The following PTDSS1 variants were observed in gnomAD, a reference collection of about 807,000 sequenced individuals.
The protein encoded by PTDSS1 is phosphatidylserine synthase 1.
In PTDSS1, 45 loss-of-function variants were observed where a neutral mutation model predicts 70.5. The ratio of observed to expected loss-of-function variants is 0.64; its 90% CI spans 0.50 to 0.82. The LOEUF (loss-of-function observed/expected upper bound fraction) is 0.82. Ranked by LOEUF, PTDSS1 falls within the 40% of genes least tolerant of loss-of-function variation. The pLI, the probability that PTDSS1 is intolerant of heterozygous loss-of-function variation, is 0.00. For missense variants in PTDSS1, 417 were observed against 586.1 expected, an observed-to-expected ratio of 0.71 and a Z score of 2.98; for synonymous variants, 188 against 203.8, an observed-to-expected ratio of 0.92 and a Z score of 0.66.
intron 10 of PTDSS1, among the ~76,000 whole-genome samples, chr8:96,328,817 C>T (rs533137949): frequency 6.6e-6 from 1 of 152,382 alleles, no homozygotes; most frequent in South Asian, 2.1e-4. Flanking sequence ...TACCACCAGA[C>T]TGTGGCTGTG....
At chr8:96,333,005 T>G (rs2130193489) in intron 12 of PTDSS1, among the ~76,000 whole-genome samples, 1 of 152,336 alleles carries the variant, frequency 6.6e-6, no homozygotes, top group Non-Finnish European at 1.5e-5. Flanking sequence ...ATAGCTCTGA[T>G]TTTATAGTGT....
chr8:96,309,840 C>A lies in PTDSS1; in HGVS notation c.1073+218C>A, dbSNP rs375718494. Among the ~76,000 whole-genome samples the A allele has an allele frequency of 3.3e-5, 5 of 152,016 alleles. No homozygotes were observed. In the East Asian group the frequency reaches 9.7e-4, roughly 30 times the overall value. Reference sequence around the variant, plus strand: ...ATTTAAGTTAAGAATAGTTACTTGGCAAATTATAAAACAAGAGTATAGAAA... The same window carrying A: ...ATTTAAGTTAAGAATAGTTACTTGGAAAATTATAAAACAAGAGTATAGAAA... On this transcript the variant is annotated intron_variant, in intron 9 of 12. Transcript: ENST00000517309.
intron 9 of PTDSS1, among the ~76,000 whole-genome samples, chr8:96,311,090 A>G (rs1811205852): frequency 1.3e-5 from 2 of 152,210 alleles, no homozygotes; most frequent in South Asian, 4.1e-4. Context: ...TTAATTTATT[A>G]TTTAACTGAT....
At chr8:96,323,316 A>G (rs1811397481) in intron 10 of PTDSS1, among the ~76,000 whole-genome samples, 2 of 152,160 alleles carry the variant, frequency 1.3e-5, no homozygotes, top group Non-Finnish European at 1.5e-5. Flanking sequence ...TCTCCTTGGC[A>G]TTGCCCTAGT....
At chr8:96,320,132 A>T in intron 9 of PTDSS1, 114 bp from the exon 10 acceptor site, 1 of 864,712 alleles carries the variant, frequency 1.2e-6, no homozygotes, top group Non-Finnish European at 1.9e-6. Flanking sequence ...CCAGTGTTTG[A>T]GGCAGAAATC....
intron 8 of PTDSS1, among the ~76,000 whole-genome samples, chr8:96,308,895 T>C (rs912978024): frequency 1.3e-5 from 2 of 152,236 alleles, no homozygotes; most frequent in Non-Finnish European, 2.9e-5. Context: ...CTGTTTTTTT[T>C]CTGAACTTGT....
intron 1 of PTDSS1, among the ~76,000 whole-genome samples, chr8:96,265,369 T>C (rs954097782): frequency 2.0e-5 from 3 of 152,238 alleles, no homozygotes; most frequent in African/African-American, 7.2e-5. Context: ...GAGGATTAGA[T>C]ACCTTGCACT....
At chr8:96,289,022 C>T (rs1430759652) in intron 4 of PTDSS1, among the ~76,000 whole-genome samples, 1 of 151,932 alleles carries the variant, frequency 6.6e-6, no homozygotes, top group Non-Finnish European at 1.5e-5. Context: ...GTAACCTCCA[C>T]CTCCCTGGTT....
At position 96,333,746 on chromosome 8, in the gene PTDSS1, C is replaced by A; in HGVS notation, c.*180C>A. ...TTCCCACAGACCTGGCCGCGTCAGGCAGATCATCGCCTGGGGGGCCTTTGC... is the reference window on the plus strand; with the variant it reads ...TTCCCACAGACCTGGCCGCGTCAGGAAGATCATCGCCTGGGGGGCCTTTGC... On this transcript the variant is annotated 3_prime_UTR_variant, in exon 13 of 13. Transcript: ENST00000517309. The A allele has an allele frequency of 1.4e-6, 1 of 728,340 alleles. No individual in the cohort carries two copies. The highest frequency in any genetic ancestry group is 2.5e-6 in the Non-Finnish European group (1 of 407,632). 45.1% of individuals were successfully genotyped at this position (728,340 alleles called of 1,614,324 possible). A position where few individuals can be genotyped will look rare whatever the true frequency, so the allele number is the denominator to read the frequency against.
In PTDSS1 at chr8:96,336,944, C is replaced by T. The variant is rs186860500; in HGVS notation, c.*3378C>T. 13 of 141,304 alleles carry T rather than the reference C, an allele frequency of 9.2e-5. No individual in the cohort carries two copies. In the East Asian group the frequency reaches 1.9e-3, roughly 20 times the overall value. 8.8% of individuals were successfully genotyped at this position (141,304 alleles called of 1,614,324 possible). On this transcript the variant is annotated 3_prime_UTR_variant, in exon 13 of 13. Coordinates refer to ENST00000517309, the MANE Select transcript of PTDSS1 (RefSeq NM_014754.3). ...CCAGGAGGTGGAGGTTCCAGTGAGC[C>T]GAGATCACGCCACCGCACTCTCTAA...
intron 1 of PTDSS1, among the ~76,000 whole-genome samples, chr8:96,265,485 C>T (rs140730758): frequency 2.0e-5 from 3 of 152,142 alleles, no homozygotes; most frequent in East Asian, 3.8e-4. Context: ...GTCTTTATCA[C>T]CATCATTAAA....
At chr8:96,314,211 AT>A (rs1329526072) in intron 9 of PTDSS1, among the ~76,000 whole-genome samples, 1 of 151,924 alleles carries the variant, frequency 6.6e-6, no homozygotes, top group Non-Finnish European at 1.5e-5. Context: ...TGTCCAGCTA[AT>A]TATATTTTAG....
At chr8:96,304,537 CATTCCTA>C (rs1212753938) in intron 7 of PTDSS1, among the ~76,000 whole-genome samples, 4 of 152,374 alleles carry the variant, frequency 2.6e-5, no homozygotes, top group African/African-American at 9.6e-5. Context: ...GCTTTTCTTA[CATTCCTA>C]ATTCAGTGTT....
At chr8:96,330,010 GGTCTCATCATAACCTTTGTT>G (rs1811490983) in intron 10 of PTDSS1, among the ~76,000 whole-genome samples, 183 bp from the exon 11 acceptor site, 1 of 152,156 alleles carries the variant, frequency 6.6e-6, no homozygotes, top group Non-Finnish European at 1.5e-5. Flanking sequence ...TAGTAACTGT[GGTCTCATCATAACCTTTGTT>G]GTCAGAAGCT....
chr8:96,278,458 A>G (rs1162923699), intron 2 of PTDSS1, among the ~76,000 whole-genome samples: 1 of 152,176 alleles, frequency 6.6e-6, no homozygotes, highest in African/African-American at 2.4e-5. Flanking sequence ...TCCCATAAGC[A>G]GATGTGGAGG....
At chr8:96,282,314 A>G (rs144354256) in intron 2 of PTDSS1, among the ~76,000 whole-genome samples, 27 of 152,356 alleles carry the variant, frequency 1.8e-4, no homozygotes, top group Admixed American at 3.3e-4. Context: ...TGACTTGACA[A>G]AAGGTGATGG....
chr8:96,270,856 T>C (rs1290140344), intron 1 of PTDSS1, among the ~76,000 whole-genome samples: 2 of 152,192 alleles, frequency 1.3e-5, no homozygotes, highest in South Asian at 2.1e-4. Flanking sequence ...CTTTTTCTAA[T>C]AAAATTGCTC....
At chr8:96,320,054 A>G (rs1415529119) in intron 9 of PTDSS1, among the ~76,000 whole-genome samples, 192 bp from the exon 10 acceptor site, 1 of 152,182 alleles carries the variant, frequency 6.6e-6, no homozygotes, top group Non-Finnish European at 1.5e-5. Context: ...AAGAGGTGAA[A>G]AATACTTTAT....
chr8:96,330,424 A>C (rs1384408547), intron 11 of PTDSS1, 143 bp downstream of exon 11: 1 of 740,946 alleles, frequency 1.3e-6, no homozygotes, highest in African/African-American at 1.8e-5. Context: ...CAGAAACCGC[A>C]TGTCACAACT....
Sources: allele counts gnomAD v4.1 joint callset (sites outside exome capture counted in the v4.1 genomes callset), GRCh38; gene constraint gnomAD v4.1.1; transcripts MANE v1.5; gene names NCBI Gene and HGNC (gene_info 2026-07-23, HGNC 2026-07-21).